The following PCDHA8 variants were observed in gnomAD, a reference collection of about 807,000 sequenced individuals.
PCDHA8 encodes protocadherin alpha 8.
A neutral mutation model predicts 61.8 loss-of-function variants in PCDHA8; 53 were observed. That is an observed-to-expected ratio of 0.86 (90% CI 0.69 to 1.08). The LOEUF (loss-of-function observed/expected upper bound fraction) is 1.08, where lower values mean the gene tolerates loss of function less well. Among genes scored for constraint, PCDHA8 ranks in the 50% least tolerant of loss-of-function variants. The pLI is 0.00. For missense variants in PCDHA8, 1,293 were observed against 1,245.0 expected (o/e 1.04, Z -0.58); for synonymous variants, 618 against 556.6 (o/e 1.11, Z -1.55).
At chr5:140,891,196 A>C (rs1043715116) in intron 1 of PCDHA8, among the ~76,000 whole-genome samples, 5 of 151,974 alleles carry the variant, frequency 3.3e-5, no homozygotes, top group Non-Finnish European at 7.4e-5. Context: ...GATATTTTGC[A>C]GTTTTACCAT....
chr5:140,896,406 C>CT (rs35238776), intron 1 of PCDHA8, among the ~76,000 whole-genome samples: 1 of 152,100 alleles, frequency 6.6e-6, no homozygotes, highest in Non-Finnish European at 1.5e-5. Flanking sequence ...TTATTTTTGA[C>CT]TTTTTAGTAA....
chr5:140,911,827 A>C (rs2075655305), intron 1 of PCDHA8, among the ~76,000 whole-genome samples: 1 of 152,162 alleles, frequency 6.6e-6, no homozygotes, highest in African/African-American at 2.4e-5. Context: ...GAAACCCCAA[A>C]ACCAATGAAA....
Position 140,873,721 on chromosome 5 carries a change from C to T in PCDHA8, c.2394+30006C>T, listed in dbSNP as rs556752313. On this transcript the variant is annotated intron_variant, in intron 1 of 3. Coordinates refer to ENST00000531613, the MANE Select transcript of PCDHA8 (RefSeq NM_018911.3). ...TATCACCCAGGCTGGTGTGCAGTGG[C>T]GCAATCTCAGCTCACTGCAATCTCC... Among the ~76,000 whole-genome samples, 8 of 152,254 alleles carry T rather than the reference C, an allele frequency of 5.3e-5. No individual in the cohort carries two copies. In the South Asian group the frequency reaches 1.0e-3, roughly 20 times the overall value.
intron 1 of PCDHA8, among the ~76,000 whole-genome samples, chr5:140,941,602 A>G (rs1364169026): frequency 1.3e-5 from 2 of 151,994 alleles, no homozygotes; most frequent in African/African-American, 4.8e-5. Flanking sequence ...GCCATGAGCC[A>G]TGGTGCCCAG....
intron 1 of PCDHA8, among the ~76,000 whole-genome samples, chr5:140,917,358 C>T (rs2153543502): frequency 6.7e-6 from 1 of 149,798 alleles, no homozygotes; most frequent in East Asian, 1.9e-4. Flanking sequence ...GCTTCTGTTC[C>T]ACTATCTTGC....
intron 1 of PCDHA8, among the ~76,000 whole-genome samples, chr5:140,976,726 T>C (rs2096728998): frequency 6.6e-6 from 1 of 152,202 alleles, no homozygotes; most frequent in East Asian, 1.9e-4. Context: ...TTCATTTATT[T>C]AAACACATTT....
chr5:140,986,834 C>T (rs2097214742), intron 3 of PCDHA8, among the ~76,000 whole-genome samples: 1 of 152,104 alleles, frequency 6.6e-6, no homozygotes. Context: ...CAATGGTTCT[C>T]AAAGGGGCAG....
intron 1 of PCDHA8, among the ~76,000 whole-genome samples, chr5:140,886,840 A>G (rs1175023921): frequency 4.0e-5 from 6 of 151,546 alleles, no homozygotes; most frequent in South Asian, 2.1e-4. Context: ...AAAAAAAAAA[A>G]AAAAAAAGAA....
chr5:140,892,069 A>G (rs1554185062), intron 1 of PCDHA8, among the ~76,000 whole-genome samples: 3 of 152,208 alleles, frequency 2.0e-5, no homozygotes, highest in Non-Finnish European at 2.9e-5. Flanking sequence ...GTTACTTTGT[A>G]TAATTTCTAG....
At chr5:140,850,256 C>T (rs2150475976) in intron 1 of PCDHA8, 11 of 1,594,032 alleles carry the variant, frequency 6.9e-6, no homozygotes, top group Admixed American at 6.8e-5. Context: ...CGGTGGGCGC[C>T]GGCGTAGTGG....
chr5:140,982,153 C>T (rs990862287), intron 2 of PCDHA8, among the ~76,000 whole-genome samples: 1 of 152,162 alleles, frequency 6.6e-6, no homozygotes, highest in Non-Finnish European at 1.5e-5. Flanking sequence ...GCTTCAGTAT[C>T]GAGATGTTAA....
In PCDHA8 at chr5:140,920,855, A is replaced by C. The variant is rs537725798; in HGVS notation, c.2395-58094A>C. Among the ~76,000 whole-genome samples, 935 of 152,094 alleles carry C rather than the reference A, an allele frequency of 6.1e-3. 10 individuals are homozygous for C. Among genetic ancestry groups the C allele is most frequent in the Admixed American group, 0.012 (185 of 15,278 alleles). On this transcript the variant is annotated intron_variant, in intron 1 of 3. Coordinates refer to ENST00000531613, the MANE Select transcript of PCDHA8 (RefSeq NM_018911.3). ...AAGACCAAATCTAAAAAAAAAAAAAAAAACAAACAAACTGTGGCCCTTAGA... is the reference window on the plus strand; with the variant it reads ...AAGACCAAATCTAAAAAAAAAAAAACAAACAAACAAACTGTGGCCCTTAGA...
At chr5:140,967,669 G>C in intron 1 of PCDHA8, 9 of 1,614,126 alleles carry the variant, frequency 5.6e-6, no homozygotes, top group Non-Finnish European at 7.6e-6. Flanking sequence ...GCTACACGTC[G>C]GACCGGGAGA....
chr5:140,872,595 C>T (rs1048527578), intron 1 of PCDHA8, among the ~76,000 whole-genome samples: 1 of 152,102 alleles, frequency 6.6e-6, no homozygotes, highest in African/African-American at 2.4e-5. Context: ...AGACCCCCAT[C>T]TGAAAAAATA....
chr5:140,986,753 A>C (rs2097211895), intron 3 of PCDHA8, among the ~76,000 whole-genome samples: 1 of 152,236 alleles, frequency 6.6e-6, no homozygotes, highest in Non-Finnish European at 1.5e-5. Flanking sequence ...CTGGGACTAA[A>C]CAGTGAAAGA....
intron 1 of PCDHA8, chr5:140,876,892 A>G (rs782046911): frequency 1.2e-6 from 2 of 1,614,044 alleles, no homozygotes; most frequent in South Asian, 1.1e-5. Context: ...GGGCTGCCAC[A>G]TCTTCACGGT....
rs2150530468 is a variant in PCDHA8 at position 140,853,294 on chromosome 5, A to G, written c.2394+9579A>G. On this transcript the variant is annotated intron_variant, in intron 1 of 3. Coordinates refer to ENST00000531613, the MANE Select transcript of PCDHA8 (RefSeq NM_018911.3). The stretch of plus-strand genomic sequence containing the variant: ...CTCTCATCATATGCAAATTCTCAGA[A>G]GGGCTGTGAACACCTTAGTAATAAA... 2 of 982,066 alleles carry G rather than the reference A, an allele frequency of 2.0e-6. 1 individual carries two copies. Among genetic ancestry groups the G allele is most frequent in the Non-Finnish European group, 2.5e-6 (2 of 814,606 alleles). 60.8% of individuals were successfully genotyped at this position (982,066 alleles called of 1,614,324 possible). A position where few individuals can be genotyped will look rare whatever the true frequency, so the allele number is the denominator to read the frequency against.
chr5:140,845,773 A>G lies in PCDHA8; in HGVS notation c.2394+2058A>G, dbSNP rs1780027224. Among the ~76,000 whole-genome samples, 2 of 149,724 alleles carry G rather than the reference A, an allele frequency of 1.3e-5. 1 individual carries two copies. Among genetic ancestry groups the G allele is most frequent in the Non-Finnish European group, 3.0e-5 (2 of 66,920 alleles). ...TTGTATCAAGTAAGTTAATAGTTAT[A>G]AATTATTAATAATAAACTCTGGCAA... On this transcript the variant is annotated intron_variant, in intron 1 of 3. Transcript: ENST00000531613.
chr5:140,952,914 T>C (rs1020868857), intron 1 of PCDHA8, among the ~76,000 whole-genome samples: 1 of 151,982 alleles, frequency 6.6e-6, no homozygotes, highest in South Asian at 2.1e-4. Context: ...TCATCTTACA[T>C]GGCATGAGCA....
Sources: gnomAD v4.1 joint callset for allele counts (sites outside exome capture counted in the v4.1 genomes callset) on GRCh38, gnomAD v4.1.1 for gene constraint, MANE v1.5 for transcripts, NCBI Gene and HGNC (gene_info 2026-07-23, HGNC 2026-07-21) for gene names.